RUSC1: variants seen among roughly 807,000 people sequenced by gnomAD.
RUSC1 encodes RUN and SH3 domain containing 1.
In RUSC1, 40 loss-of-function variants were observed where a neutral mutation model predicts 72.1. The observed-to-expected ratio is 0.55, with a 90% CI of 0.43 to 0.72. The LOEUF (loss-of-function observed/expected upper bound fraction) is 0.72, where lower values mean the gene tolerates loss of function less well. RUSC1 is among the 30% of genes least tolerant of loss of function. The pLI, the probability that RUSC1 is intolerant of heterozygous loss-of-function variation, is 0.00. For synonymous variants in RUSC1, 512 were observed against 494.2 expected, an observed-to-expected ratio of 1.04 and a Z score of -0.48; for missense variants, 1,092 against 1,172.3, an observed-to-expected ratio of 0.93 and a Z score of 1.00.
chr1:155,325,196 G>T lies in RUSC1; in HGVS notation c.1533+18G>T. ...TGCAGAAGGTGAAGGTGGCTGGGGG[G>T]AGGCTGTTGGGATGAGGAGAGTAAT... On this transcript the variant is annotated intron_variant, in intron 4 of 9. Transcript: ENST00000368352. This position sits in a 1 kb window ranked among gnomAD's most constrained non-coding sequence, Gnocchi z 6.5. 1.2e-6 allele frequency: 2 copies of T among 1,614,190 alleles called. No individual in the cohort carries two copies. The highest frequency in any genetic ancestry group is 3.3e-4 in the Middle Eastern group (2 of 6,062).
At position 155,321,855 on chromosome 1, in the gene RUSC1, C is replaced by A; in HGVS notation, c.82C>A (p.Arg28Ser). 9 of 1,613,820 alleles carry A rather than the reference C, an allele frequency of 5.6e-6. No homozygotes were observed. Among genetic ancestry groups the A allele is most frequent in the Non-Finnish European group, 6.8e-6 (8 of 1,180,014 alleles). Residue 28 changes from arginine (R) to serine (S), a missense_variant, in exon 2 of 10, where the codon CGC (arginine) becomes AGC (serine). Arg to Ser is a moderately radical substitution (Grantham distance 110, BLOSUM62 -1). Coordinates refer to ENST00000368352, the MANE Select transcript of RUSC1 (RefSeq NM_001105203.2). ...CGTCTCCCTGGGCCTGCACTTGTCC[C>A]GCCGTCCTGAGCTACAGGAGGGGCC... Reference protein sequence around the residue: ...QHVSLGLHLSRRPELQEGPLS... With the variant: ...QHVSLGLHLSSRPELQEGPLS...
In RUSC1 at chr1:155,322,268, T is replaced by A. The variant is rs746217474; in HGVS notation, c.495T>A (p.Asp165Glu). Residue 165 changes from aspartate to glutamate, a missense_variant, in exon 2 of 10, where the codon GAT (aspartate) becomes GAA (glutamate). Physicochemically the swap from Asp to Glu is conservative, Grantham distance 45. Coordinates refer to ENST00000368352, the MANE Select transcript of RUSC1 (RefSeq NM_001105203.2). ...CGGACAGCTTCTGCTGCTCTCCTGATTCCTGCTCCGGAGCTTCTTCTTCAC... is the reference window on the plus strand; with the variant it reads ...CGGACAGCTTCTGCTGCTCTCCTGAATCCTGCTCCGGAGCTTCTTCTTCAC... ...CSPDSFCCSP[D>E]SCSGASSSPD... 5.8e-5 allele frequency: 93 copies of A among 1,612,752 alleles called. No individual in the cohort carries two copies. The highest frequency in any genetic ancestry group is 7.5e-5 in the Non-Finnish European group (89 of 1,179,104).
intron 8 of RUSC1, among the ~76,000 whole-genome samples, chr1:155,327,495 G>A (rs1220907507): frequency 6.6e-6 from 1 of 151,890 alleles, no homozygotes; most frequent in Non-Finnish European, 1.5e-5. Context: ...TTTTTTGTTC[G>A]GTTGAAAAAA....
intron 9 of RUSC1, among the ~76,000 whole-genome samples, 180 bp from the exon 10 acceptor site, chr1:155,330,223 C>T (rs1203215781): frequency 1.3e-5 from 2 of 152,082 alleles, no homozygotes; most frequent in Non-Finnish European, 2.9e-5. Context: ...GTTTGCCACT[C>T]AGGAGAAGGC....
At chr1:155,329,244 C>T (rs1324529180) in intron 9 of RUSC1, among the ~76,000 whole-genome samples, 1 of 151,138 alleles carries the variant, frequency 6.6e-6, no homozygotes, top group Admixed American at 6.6e-5. Context: ...TGCCACCATG[C>T]CTGGCTAATT....
In RUSC1 at chr1:155,323,115, C is replaced by T; in HGVS notation, c.1342C>T (p.Gln448Ter). 2 of 1,422,698 alleles carry T rather than the reference C, an allele frequency of 1.4e-6. No individual in the cohort carries two copies. The highest frequency in any genetic ancestry group is 1.8e-6 in the Non-Finnish European group (2 of 1,093,618). 88.1% of individuals were successfully genotyped at this position (1,422,698 alleles called of 1,614,324 possible). A position where few individuals can be genotyped will look rare whatever the true frequency, so the allele number is the denominator to read the frequency against. Residue 448 changes from glutamine (Q) to a stop codon, truncating the protein, a stop_gained, in exon 2 of 10, where the codon CAG becomes TAG. Coordinates refer to ENST00000368352, the MANE Select transcript of RUSC1 (RefSeq NM_001105203.2). LOFTEE classifies it high-confidence loss of function. ...CCCAGCCGCGAAGGAGCCGGGCGCG[C>T]AGGCCGGCCTGGAGGGTAAGAGGTC... Reference protein sequence around the residue: ...EAPAAKEPGAQAGLEVRSSWS... With the variant: ...EAPAAKEPGA
rs770872520 is a variant in RUSC1 at position 155,322,979 on chromosome 1, A to G, written c.1206A>G (p.Pro402=). The G allele has an allele frequency of 2.1e-6, 1 of 479,480 alleles. No individual in the cohort carries two copies. The allele number at this position is 479,480 out of a possible 1,614,324, so 29.7% of individuals were successfully genotyped here. A position where few individuals can be genotyped will look rare whatever the true frequency, so the allele number is the denominator to read the frequency against. ...GGGCTTTGGTCCCGCCCCGGCCCCC[A>G]CCCCCGCCTGTCCCTCCCCGAAGGA... is the stretch of plus-strand genomic sequence containing the variant. The part of the protein sequence containing the change: ...VGWALVPPRP[P]PPPVPPRRKK... The change falls in exon 2 of 10, where the codon CCA becomes CCG. Residue 402 remains proline (P), a synonymous_variant. Transcript: ENST00000368352.
chr1:155,329,155 C>A (rs990010037), intron 9 of RUSC1, among the ~76,000 whole-genome samples: 1 of 152,040 alleles, frequency 6.6e-6, no homozygotes, highest in Admixed American at 6.6e-5. Flanking sequence ...GGCATGATTT[C>A]GGCTCACTGC....
At chr1:155,321,506 C>A in intron 1 of RUSC1, 182 bp from the exon 2 acceptor site, 1 of 1,473,604 alleles carries the variant, frequency 6.8e-7, no homozygotes, top group Non-Finnish European at 9.1e-7. Context: ...GGGTTACATT[C>A]GACTCCATCT....
In RUSC1 at chr1:155,328,269, C is replaced by T. The variant is rs772185670; in HGVS notation, c.2534C>T (p.Thr845Ile). The T allele has an allele frequency of 6.2e-6, 10 of 1,610,524 alleles. No homozygotes were observed. In the East Asian group the frequency reaches 2.2e-4, roughly 36 times the overall value. The change falls in exon 9 of 10, where the codon ACC (threonine) becomes ATC (isoleucine). Residue 845 changes from threonine (T) to isoleucine (I), a missense_variant. Physicochemically the swap from Thr to Ile is moderately conservative, Grantham distance 89. Transcript: ENST00000368352. The stretch of plus-strand genomic sequence containing the variant: ...GCCTCAGCACCCAGGATGGTGCAAA[C>T]CCATAGGTAAGGAGGATTGGGGAGA... ...LEASAPRMVQ[T>I]HRAVRALCDH...
Position 155,322,262 on chromosome 1 carries a change from T to A in RUSC1, c.489T>A (p.Ser163=). 1 of 1,612,848 alleles carries A rather than the reference T, an allele frequency of 6.2e-7. No homozygotes were observed. The highest frequency in any genetic ancestry group is 8.5e-7 in the Non-Finnish European group (1 of 1,179,084). Residue 163 remains serine, a synonymous_variant, in exon 2 of 10, where the codon TCT becomes TCA. Coordinates refer to ENST00000368352, the MANE Select transcript of RUSC1 (RefSeq NM_001105203.2). The stretch of plus-strand genomic sequence containing the variant: ...GCTCACCGGACAGCTTCTGCTGCTC[T>A]CCTGATTCCTGCTCCGGAGCTTCTT... ...GTCSPDSFCC[S]PDSCSGASSS...
chr1:155,321,645 C>G (rs1445982492), intron 1 of RUSC1, 43 bp from the exon 2 acceptor site: 1 of 1,351,422 alleles, frequency 7.4e-7, no homozygotes, highest in African/African-American at 1.4e-5. Context: ...TTCCCCGCAG[C>G]TCTTGTCCTC....
Position 155,327,093 on chromosome 1 carries a change from G to C in RUSC1, c.2375G>C (p.Gly792Ala). 1 of 1,608,990 alleles carries C rather than the reference G, an allele frequency of 6.2e-7. No homozygotes were observed. Among genetic ancestry groups the C allele is most frequent in the Non-Finnish European group, 8.5e-7 (1 of 1,176,714 alleles). Residue 792 changes from glycine to alanine, a missense_variant, in exon 8 of 10, where the codon GGG becomes GCG. Transcript: ENST00000368352. ...LWLGRLFGVPGGPAENENGAL... is the reference protein window; with the variant it reads ...LWLGRLFGVPAGPAENENGAL... ...TTGGGAAGACTATTTGGAGTGCCTGGGGGCCCCGCAGAAAATGAGAATGGA... is the reference window on the plus strand; with the variant it reads ...TTGGGAAGACTATTTGGAGTGCCTGCGGGCCCCGCAGAAAATGAGAATGGA...
chr1:155,323,215 T>A, intron 2 of RUSC1, 85 bp downstream of exon 2: 1 of 1,344,836 alleles, frequency 7.4e-7, no homozygotes, highest in Non-Finnish European at 9.6e-7. Flanking sequence ...CTGTCTTCCC[T>A]CCATTCTGTG....
rs1651944773 is a variant in RUSC1, at chr1:155,330,843, A to G, written c.*272A>G. 2 of 306,408 alleles carry G rather than the reference A, an allele frequency of 6.5e-6. No individual in the cohort carries two copies. The highest frequency in any genetic ancestry group is 5.0e-5 in the South Asian group (1 of 20,168). The allele number at this position is 306,408 out of a possible 1,614,324, so 19.0% of individuals were successfully genotyped here. Reference sequence around the variant, plus strand: ...TATATAAGGGAATGTCTTCCTTCCTATCTATCTGCAAAATGGAAATCTAGA... The same window carrying G: ...TATATAAGGGAATGTCTTCCTTCCTGTCTATCTGCAAAATGGAAATCTAGA... On this transcript the variant is annotated 3_prime_UTR_variant, in exon 10 of 10. Coordinates refer to ENST00000368352, the MANE Select transcript of RUSC1 (RefSeq NM_001105203.2).
chr1:155,324,873 C>T lies in RUSC1; in HGVS notation c.1386C>T (p.Val462=), dbSNP rs1385332264. The change falls in exon 3 of 10, where the codon GTC becomes GTT. Residue 462 remains valine (V), a synonymous_variant. Transcript: ENST00000368352. ...GTAGTTCGTGGTCCTTCGCCGGTGT[C>T]CCCGGAGCCCAGCGGCTGTGGATGG... is the stretch of plus-strand genomic sequence containing the variant. ...EVRSSWSFAG[V]PGAQRLWMAE... 6.2e-7 allele frequency: 1 copy of T among 1,614,252 alleles called. No individual in the cohort carries two copies. Among genetic ancestry groups the T allele is most frequent in the Non-Finnish European group, 8.5e-7 (1 of 1,180,044 alleles).
chr1:155,322,637 G>A lies in RUSC1; in HGVS notation c.864G>A (p.Ser288=). 1 of 1,614,250 alleles carries A rather than the reference G, an allele frequency of 6.2e-7. No individual in the cohort carries two copies. The change falls in exon 2 of 10, where the codon TCG becomes TCA. Residue 288 remains serine, a synonymous_variant. Coordinates refer to ENST00000368352, the MANE Select transcript of RUSC1 (RefSeq NM_001105203.2). ...ACACAAGAATAACTGATTCTGGCTC[G>A]AAAACAGATGCAGGGAAAATTGATG... The part of the protein sequence containing the change: ...KTNTRITDSG[S]KTDAGKIDGG...
chr1:155,326,988 G>C lies in RUSC1; in HGVS notation c.2270G>C (p.Arg757Pro). 1.9e-6 allele frequency: 3 copies of C among 1,613,650 alleles called. No homozygotes were observed. The highest frequency in any genetic ancestry group is 2.5e-6 in the Non-Finnish European group (3 of 1,180,024). ...GFPLSRWAPG[R>P]HGTAAEEGAQ... is the part of the protein sequence containing the mutation. ...CCTCTTTCCCGATGGGCACCGGGGC[G>C]TCATGGGACTGCAGCTGAAGAAGGT... Residue 757 changes from arginine to proline, a missense_variant, in exon 8 of 10, where the codon CGT becomes CCT. By Grantham distance (103) the Arg-to-Pro change is moderately radical. Coordinates refer to ENST00000368352, the MANE Select transcript of RUSC1 (RefSeq NM_001105203.2). The surrounding 1 kb of genome is among the most constrained non-coding windows in gnomAD (Gnocchi z 4.7).
chr1:155,330,297 A>AT, intron 9 of RUSC1, 106 bp from the exon 10 acceptor site: 3 of 1,097,340 alleles, frequency 2.7e-6, no homozygotes, highest in Non-Finnish European at 4.0e-6. Context: ...AGCCCAGTCA[A>AT]TGTCCACTGA....
Sources: gnomAD v4.1 joint callset for allele counts (sites outside exome capture counted in the v4.1 genomes callset) on GRCh38, gnomAD v4.1.1 for gene constraint, Gnocchi (gnomAD v3.1) non-coding constraint, MANE v1.5 for transcripts, NCBI Gene and HGNC (gene_info 2026-07-23, HGNC 2026-07-21) for gene names.